Variants in IL1RAPL2 observed in about 807,000 individuals in gnomAD.
IL1RAPL2 encodes X-linked interleukin-1 receptor accessory protein-like 2.
A neutral mutation model predicts 44.1 loss-of-function variants in IL1RAPL2; 3 were observed. The observed-to-expected ratio is 0.07, with a 90% CI of 0.03 to 0.18. IL1RAPL2 has a LOEUF of 0.18. IL1RAPL2 is among the 10% of genes least tolerant of loss of function. The pLI is 1.00. For missense variants in IL1RAPL2, 391 were observed against 496.4 expected (o/e 0.79, Z 2.02); for synonymous variants, 181 against 178.8 (o/e 1.01, Z -0.10).
At chrX:105,434,387 G>T (rs768535443) in intron 5 of IL1RAPL2, among the ~76,000 whole-genome samples, 1 of 111,721 alleles carries the variant, frequency 9.0e-6, no homozygotes, top group Non-Finnish European at 1.9e-5. Context: ...TCACATTTGC[G>T]TAAAAATATA....
chrX:105,074,377 C>A (rs2032257515), intron 2 of IL1RAPL2, among the ~76,000 whole-genome samples: 1 of 111,133 alleles, frequency 9.0e-6, no homozygotes, highest in African/African-American at 3.3e-5. Context: ...TTTCTGAGGG[C>A]TCTGTTCTGT....
At chrX:104,620,974 TATAATATA>T (rs754252214) in intron 1 of IL1RAPL2, among the ~76,000 whole-genome samples, 3,000 of 87,173 alleles carry the variant, frequency 0.034, 130 homozygotes, top group African/African-American at 0.24. Flanking sequence ...TATATAATAA[TATAATATA>T]ATAACATATA....
At chrX:105,248,644 T>TA (rs1434049884) in intron 4 of IL1RAPL2, among the ~76,000 whole-genome samples, 4 of 94,101 alleles carry the variant, frequency 4.3e-5, no homozygotes, top group African/African-American at 2.0e-4. Context: ...AATAATTTTG[T>TA]AGGAAAAAAA....
At chrX:105,471,707 T>G (rs1353005378) in intron 5 of IL1RAPL2, among the ~76,000 whole-genome samples, 2 of 110,995 alleles carry the variant, frequency 1.8e-5, no homozygotes, top group Non-Finnish European at 3.8e-5. Context: ...AGGGTTGGGT[T>G]TTGGTCAGAC....
chrX:104,601,525 C>G (rs764703797), intron 1 of IL1RAPL2, among the ~76,000 whole-genome samples: 3 of 111,942 alleles, frequency 2.7e-5, no homozygotes, highest in African/African-American at 9.8e-5. Context: ...GATCCTGTCA[C>G]ACAGATCACC....
intron 4 of IL1RAPL2, among the ~76,000 whole-genome samples, chrX:105,264,226 G>T (rs999616525): frequency 8.1e-5 from 9 of 110,823 alleles, no homozygotes; most frequent in Admixed American, 4.8e-4. Flanking sequence ...TTCTCCTTTT[G>T]CTGGGCACTC....
intron 2 of IL1RAPL2, among the ~76,000 whole-genome samples, chrX:104,995,665 C>A (rs2030735342): frequency 8.9e-6 from 1 of 111,970 alleles, no homozygotes; most frequent in African/African-American, 3.2e-5. Flanking sequence ...AAGTCACAAG[C>A]TCCAATTTAT....
intron 1 of IL1RAPL2, among the ~76,000 whole-genome samples, chrX:104,639,779 C>T (rs1471985800): frequency 8.9e-6 from 1 of 111,854 alleles, no homozygotes; most frequent in Non-Finnish European, 1.9e-5. Flanking sequence ...TTTTGCTGGA[C>T]ATGTTATTCT....
chrX:105,369,103 T>G (rs2147716378), intron 5 of IL1RAPL2, among the ~76,000 whole-genome samples: 1 of 110,522 alleles, frequency 9.0e-6, no homozygotes, highest in Non-Finnish European at 1.9e-5. Context: ...GTGAGCATCT[T>G]TATGATGATC....
intron 2 of IL1RAPL2, among the ~76,000 whole-genome samples, chrX:104,975,137 G>T (rs2147723235): frequency 9.0e-6 from 1 of 111,476 alleles, no homozygotes; most frequent in South Asian, 3.9e-4. Flanking sequence ...GGAATTTGCG[G>T]TTTCTTTGCT....
At chrX:104,877,478 C>G (rs1277854492) in intron 2 of IL1RAPL2, among the ~76,000 whole-genome samples, 4 of 112,433 alleles carry the variant, frequency 3.6e-5, no homozygotes, top group Non-Finnish European at 7.5e-5. Context: ...CAAAGCCGGG[C>G]AGAGACACAA....
chrX:104,892,548 A>G (rs890638631), intron 2 of IL1RAPL2, among the ~76,000 whole-genome samples: 3 of 111,695 alleles, frequency 2.7e-5, no homozygotes, highest in African/African-American at 9.8e-5. Context: ...GAATTTATCC[A>G]TTTCTTCTAG....
intron 2 of IL1RAPL2, among the ~76,000 whole-genome samples, chrX:104,790,935 T>G (rs1210045511): frequency 8.9e-6 from 1 of 111,899 alleles, no homozygotes. Flanking sequence ...GGTCACAATT[T>G]ATTGCATAAT....
intron 5 of IL1RAPL2, among the ~76,000 whole-genome samples, chrX:105,421,019 G>C (rs1408952624): frequency 8.9e-6 from 1 of 112,031 alleles, no homozygotes; most frequent in Non-Finnish European, 1.9e-5. Flanking sequence ...ATTTTGCCAA[G>C]GTTGAGAATG....
At chrX:105,077,003 C>A (rs1447482190) in intron 2 of IL1RAPL2, among the ~76,000 whole-genome samples, 4 of 111,153 alleles carry the variant, frequency 3.6e-5, no homozygotes, top group Non-Finnish European at 5.7e-5. Context: ...ATCCAATTTG[C>A]CAGTCTGTGC....
intron 2 of IL1RAPL2, among the ~76,000 whole-genome samples, chrX:105,182,649 G>A (rs1460009836): frequency 8.9e-6 from 1 of 111,811 alleles, no homozygotes; most frequent in Non-Finnish European, 1.9e-5. Context: ...ATTGATAAGT[G>A]AGTATTCCTG....
At chrX:104,585,272 T>G (rs865811450) in intron 1 of IL1RAPL2, among the ~76,000 whole-genome samples, 1 of 16,015 alleles carries the variant, frequency 6.2e-5, no homozygotes, top group Non-Finnish European at 8.9e-5. Context: ...TATAATATAT[T>G]ATATATATTA....
intron 1 of IL1RAPL2, among the ~76,000 whole-genome samples, chrX:104,628,648 A>G (rs1929568473): frequency 8.9e-6 from 1 of 112,074 alleles, no homozygotes; most frequent in South Asian, 3.7e-4. Context: ...TCCTGTGGAT[A>G]AACACCCAGT....
rs1556130046 is a variant in IL1RAPL2, at chrX:105,180,355, AC to A, written c.83-15119del. On this transcript the variant is annotated intron_variant, in intron 2 of 10. Transcript: ENST00000372582. ...TCCATCTCAAAAAACAAAAACAAAA[AC>A]AAAAAAAAAAGAAAAGAAAAAAAGA... 2.4e-3 allele frequency among the ~76,000 whole-genome samples: 266 copies of A among 109,490 alleles called. 3 individuals are homozygous for A. The highest frequency in any genetic ancestry group is 8.7e-3 in the African/African-American group (257 of 29,484).
Sources: gnomAD v4.1 joint callset for allele counts (sites outside exome capture counted in the v4.1 genomes callset) on GRCh38, gnomAD v4.1.1 for gene constraint, MANE v1.5 for transcripts, NCBI Gene and HGNC (gene_info 2026-07-23, HGNC 2026-07-21) for gene names.